The following OCRL variants were observed in gnomAD, a reference collection of about 807,000 sequenced individuals.
OCRL encodes OCRL inositol polyphosphate-5-phosphatase.
A neutral mutation model predicts 78.9 loss-of-function variants in OCRL; 8 were observed. That is an observed-to-expected ratio of 0.10 (90% CI 0.06 to 0.18). OCRL has a LOEUF of 0.18. Ranked by LOEUF, OCRL falls within the 10% of genes least tolerant of loss-of-function variation. OCRL has a pLI of 1.00. For missense variants in OCRL, 454 were observed against 696.7 expected, an observed-to-expected ratio of 0.65 and a Z score of 3.92; for synonymous variants, 240 against 235.4, an observed-to-expected ratio of 1.02 and a Z score of -0.18.
At chrX:129,563,039 A>T (rs187370272) in intron 12 of OCRL, among the ~76,000 whole-genome samples, 7 of 112,240 alleles carry the variant, frequency 6.2e-5, no homozygotes, top group African/African-American at 2.3e-4. Flanking sequence ...AGTTGGAGTC[A>T]GTTTTTATTG....
intron 7 of OCRL, 31 bp downstream of exon 7, chrX:129,558,784 G>C (rs778230329): frequency 8.3e-7 from 1 of 1,211,647 alleles, no homozygotes; most frequent in Non-Finnish European, 1.1e-6. Context: ...TATTTGCCTT[G>C]TAGGAGAATT....
At chrX:129,551,552 A>G (rs1935960285) in intron 4 of OCRL, among the ~76,000 whole-genome samples, 2 of 111,525 alleles carry the variant, frequency 1.8e-5, no homozygotes, top group East Asian at 2.8e-4. Context: ...CTCCTGTCTC[A>G]GCCTCCCGAG....
At position 129,588,962 on chromosome X, in the gene OCRL, G is replaced by T. The variant is rs141191087; in HGVS notation, c.2418G>T (p.Glu806Asp). 6.6e-6 allele frequency: 8 copies of T among 1,209,812 alleles called. No individual in the cohort carries two copies. In the African/African-American group the frequency reaches 1.0e-4, roughly 16 times the overall value. Reference sequence around the variant, plus strand: ...TGCCAGAGCCAGTCATCTGTTACGAGCTGTATCAGCGATGTCTTGACTCTG... The same window carrying T: ...TGCCAGAGCCAGTCATCTGTTACGATCTGTATCAGCGATGTCTTGACTCTG... ...EALPEPVICY[E>D]LYQRCLDSAY... Residue 806 changes from glutamate to aspartate, a missense_variant, in exon 22 of 24, where the codon GAG (glutamate) becomes GAT (aspartate). This residue lies in a region of OCRL where 277 missense variants were observed against 517.1 expected (regional missense o/e 0.54). Coordinates refer to ENST00000371113, the MANE Select transcript of OCRL (RefSeq NM_000276.4).
chrX:129,588,550 C>T (rs1936545420), intron 21 of OCRL, among the ~76,000 whole-genome samples: 1 of 111,530 alleles, frequency 9.0e-6, no homozygotes, highest in Non-Finnish European at 1.9e-5. Context: ...TGATCAGTCA[C>T]TCCTGCCACC....
At chrX:129,547,930 G>GT (rs1935911479) in intron 3 of OCRL, among the ~76,000 whole-genome samples, 1 of 111,817 alleles carries the variant, frequency 8.9e-6, no homozygotes, top group Admixed American at 9.5e-5. Context: ...CTAGACACTT[G>GT]TTGTAAAGGA....
At chrX:129,579,565 A>G (rs1178297381) in intron 18 of OCRL, among the ~76,000 whole-genome samples, 3 of 112,252 alleles carry the variant, frequency 2.7e-5, no homozygotes, top group Admixed American at 9.5e-5. Context: ...AATAACTGAC[A>G]TAATTATTTT....
chrX:129,563,946 A>C (rs375736244), intron 12 of OCRL, among the ~76,000 whole-genome samples: 6,804 of 107,340 alleles, frequency 0.063, 422 homozygotes, highest in African/African-American at 0.18. Context: ...CAACCTACAA[A>C]ATGGGAGAAA....
chrX:129,576,243 G>A, intron 17 of OCRL, 74 bp from the exon 18 acceptor site: 1 of 1,021,609 alleles, frequency 9.8e-7, no homozygotes. Flanking sequence ...ACACTTTTCT[G>A]TTGGTTCTTA....
intron 2 of OCRL, among the ~76,000 whole-genome samples, chrX:129,543,295 A>G (rs1935835932): frequency 8.9e-6 from 1 of 112,820 alleles, no homozygotes; most frequent in African/African-American, 3.2e-5. Context: ...TGTTGGTGAA[A>G]TTCACTTAAA....
In OCRL at chrX:129,567,280, A is replaced by G; in HGVS notation, c.1383A>G (p.Lys461=). ...TAAATATTCAGCGCACACAGAAAAA[A>G]GCTTTTGTTGACTTCAATGAAGGGG... The part of the protein sequence containing the change: ...DQLNIQRTQK[K]AFVDFNEGEI... Residue 461 remains lysine, a synonymous_variant, in exon 14 of 24, where the codon AAA becomes AAG. Transcript: ENST00000371113. The G allele has an allele frequency of 8.3e-7, 1 of 1,208,525 alleles. No individual in the cohort carries two copies. Among genetic ancestry groups the G allele is most frequent in the Non-Finnish European group, 1.1e-6 (1 of 892,422 alleles).
Position 129,562,389 on chromosome X carries a change from A to G in OCRL, c.945A>G (p.Gln315=), listed in dbSNP as rs1219231384. 1.7e-6 allele frequency: 2 copies of G among 1,204,174 alleles called. No individual in the cohort carries two copies. Among genetic ancestry groups the G allele is most frequent in the Admixed American group, 2.2e-5 (1 of 45,763 alleles). The part of the protein sequence containing the change: ...LHSKAKYKKV[Q]LVRLVGMMLL... ...TAACTCCCCGGAACTCATAGGTTCA[A>G]CTGGTGCGCCTTGTTGGGATGATGC... The change falls in exon 11 of 24, where the codon CAA becomes CAG. Residue 315 remains glutamine (Q), a synonymous_variant. Coordinates refer to ENST00000371113, the MANE Select transcript of OCRL (RefSeq NM_000276.4).
At chrX:129,581,894 C>G (rs1469154927) in intron 18 of OCRL, among the ~76,000 whole-genome samples, 8 of 93,218 alleles carry the variant, frequency 8.6e-5, no homozygotes, top group African/African-American at 3.4e-4. Flanking sequence ...TCATTTTTTC[C>G]TATTCAGGGC....
intron 21 of OCRL, among the ~76,000 whole-genome samples, chrX:129,588,564 C>T (rs770949646): frequency 2.2e-4 from 24 of 111,533 alleles, no homozygotes; most frequent in Non-Finnish European, 4.0e-4. Context: ...TGCCACCACA[C>T]GTACTGTTGA....
chrX:129,577,606 C>A (rs1160163892), intron 18 of OCRL, among the ~76,000 whole-genome samples: 2 of 111,617 alleles, frequency 1.8e-5, no homozygotes, highest in Non-Finnish European at 3.8e-5. Context: ...AGCAGGCAGG[C>A]TGCTGGCTTG....
intron 3 of OCRL, 116 bp downstream of exon 3, chrX:129,545,153 CT>C (rs766320186): frequency 1.6e-5 from 8 of 487,563 alleles, no homozygotes; most frequent in Non-Finnish European, 2.9e-5. Flanking sequence ...ATGTATTACT[CT>C]TTGCATAAAA....
At chrX:129,552,200 T>A (rs1395396757) in intron 4 of OCRL, among the ~76,000 whole-genome samples, 6 of 111,506 alleles carry the variant, frequency 5.4e-5, no homozygotes, top group Non-Finnish European at 1.1e-4. Flanking sequence ...GTGGCATTAG[T>A]AATGAAGAGA....
chrX:129,548,727 C>T (rs1224630663), intron 4 of OCRL, 126 bp downstream of exon 4: 2 of 573,881 alleles, frequency 3.5e-6, no homozygotes, highest in Admixed American at 2.7e-5. Context: ...TCTCCTGTAG[C>T]AGCCATACAA....
intron 15 of OCRL, among the ~76,000 whole-genome samples, chrX:129,570,002 C>G (rs1936278754): frequency 9.1e-6 from 1 of 110,122 alleles, no homozygotes; most frequent in South Asian, 4.0e-4. Context: ...AGCCACCGTG[C>G]CCAGCGAATT....
chrX:129,585,714 G>T (rs1380298146), intron 19 of OCRL, among the ~76,000 whole-genome samples: 4 of 111,823 alleles, frequency 3.6e-5, no homozygotes, highest in Non-Finnish European at 7.5e-5. Context: ...GGAAAAAAAA[G>T]AAAGATTTTA....
Sources: allele counts gnomAD v4.1 joint callset (sites outside exome capture counted in the v4.1 genomes callset), GRCh38; gene constraint gnomAD v4.1.1; regional missense constraint gnomAD v4.1.1; transcripts MANE v1.5; gene names NCBI Gene and HGNC (gene_info 2026-07-23, HGNC 2026-07-21).